Variants in KCNAB2 observed in about 807,000 individuals in gnomAD.
KCNAB2 encodes the protein potassium voltage-gated channel subfamily A regulatory beta subunit 2.
A neutral mutation model predicts 63.6 loss-of-function variants in KCNAB2; 29 were observed. The observed-to-expected ratio is 0.46, with a 90% confidence interval of 0.34 to 0.62. The LOEUF (loss-of-function observed/expected upper bound fraction) is 0.62. KCNAB2 is among the 20% of genes least tolerant of loss of function. The pLI is 0.01. For missense variants in KCNAB2, 359 were observed against 563.9 expected (o/e 0.64, Z 3.68); for synonymous variants, 222 against 224.2 (o/e 0.99, Z 0.09).
chr1:6,093,606 C>G (rs1665372564), intron 10 of KCNAB2, among the ~76,000 whole-genome samples: 1 of 152,184 alleles, frequency 6.6e-6, no homozygotes, highest in African/African-American at 2.4e-5. Context: ...TCAGGTTGTT[C>G]CCAGGGCTCA....
At chr1:6,017,801 A>C (rs1042622558) in intron 1 of KCNAB2, among the ~76,000 whole-genome samples, 3 of 151,946 alleles carry the variant, frequency 2.0e-5, no homozygotes, top group African/African-American at 7.3e-5. Flanking sequence ...AAAAAAAAAA[A>C]AACTTGGCCT....
intron 1 of KCNAB2, among the ~76,000 whole-genome samples, chr1:6,021,481 T>G (rs1443751737): frequency 1.3e-5 from 2 of 152,258 alleles, no homozygotes; most frequent in Non-Finnish European, 2.9e-5. Flanking sequence ...TACAGTTTAG[T>G]GGTATTAAGT....
intron 15 of KCNAB2, chr1:6,097,635 T>A (rs766150436): frequency 2.9e-5 from 17 of 595,792 alleles, no homozygotes; most frequent in Non-Finnish European, 4.4e-5. Context: ...CCAGGGACGG[T>A]GGCGCTGCAG....
intron 8 of KCNAB2, among the ~76,000 whole-genome samples, chr1:6,089,860 G>T (rs924492167): frequency 6.6e-6 from 1 of 152,158 alleles, no homozygotes; most frequent in Admixed American, 6.5e-5. Context: ...ACCACATCTG[G>T]TTAATTTTTT....
At chr1:6,036,151 T>TG (rs1448590363) in intron 1 of KCNAB2, 1 of 152,244 alleles carries the variant, frequency 6.6e-6, no homozygotes, top group African/African-American at 2.4e-5. Flanking sequence ...GAAAACTTTT[T>TG]GAGGAATTTT....
At position 6,099,916 on chromosome 1, in the gene KCNAB2, G is replaced by A. The variant is rs1244429852; in HGVS notation, c.*1342G>A. On this transcript the variant is annotated 3_prime_UTR_variant, in exon 16 of 16. Transcript: ENST00000378083. Reference sequence around the variant, plus strand: ...ATGCCAGTAAGTCTGCAGGTGCGGGGTGCCACCTACAGGCCCAGGCCTGTG... The same window carrying A: ...ATGCCAGTAAGTCTGCAGGTGCGGGATGCCACCTACAGGCCCAGGCCTGTG... 2 of 1,550,388 alleles carry A rather than the reference G, an allele frequency of 1.3e-6. No homozygotes were observed. The highest frequency in any genetic ancestry group is 2.4e-5 in the South Asian group (2 of 84,060).
chr1:5,999,696 A>C (rs1657127493), intron 1 of KCNAB2, among the ~76,000 whole-genome samples: 1 of 152,032 alleles, frequency 6.6e-6, no homozygotes, highest in Non-Finnish European at 1.5e-5. Flanking sequence ...GTGCTTGCCC[A>C]CGGCAGAGGA....
At chr1:5,996,727 C>T (rs940347986) in intron 1 of KCNAB2, among the ~76,000 whole-genome samples, 1 of 152,228 alleles carries the variant, frequency 6.6e-6, no homozygotes, top group Non-Finnish European at 1.5e-5. Flanking sequence ...CCTTCCTGGC[C>T]GTCCGCCTTT....
intron 1 of KCNAB2, among the ~76,000 whole-genome samples, chr1:5,999,352 G>C (rs1303697793): frequency 6.6e-6 from 1 of 152,142 alleles, no homozygotes; most frequent in Non-Finnish European, 1.5e-5. Flanking sequence ...CCAGTCCCTG[G>C]TGACTCAGAT....
At position 6,099,890 on chromosome 1, in the gene KCNAB2, G is replaced by A. The variant is rs74927442; in HGVS notation, c.*1316G>A. The A allele has an allele frequency of 1.7e-3, 2,582 of 1,550,344 alleles. 41 individuals are homozygous for A. The African/African-American group carries it at 0.03, about 18-fold the overall frequency. ...GTGCAGCTTGGGCCGGAGGGCAAGG[G>A]ATGCCAGTAAGTCTGCAGGTGCGGG... On this transcript the variant is annotated 3_prime_UTR_variant, in exon 16 of 16. Transcript: ENST00000378083.
upstream of KCNAB2, among the ~76,000 whole-genome samples, chr1:6,032,759 G>A (rs562428631): frequency 6.6e-6 from 1 of 152,296 alleles, no homozygotes; most frequent in East Asian, 1.9e-4. Context: ...CCCCTGCCTG[G>A]ACGCATGAAA....
upstream of KCNAB2, chr1:6,041,293 G>A: frequency 6.0e-6 from 1 of 166,382 alleles, no homozygotes; most frequent in Admixed American, 5.9e-5. Flanking sequence ...GGCACAGGCA[G>A]TACCCCAGCA....
At chr1:6,082,914 G>GCAGGC (rs1664332799) in intron 5 of KCNAB2, among the ~76,000 whole-genome samples, 1 of 152,220 alleles carries the variant, frequency 6.6e-6, no homozygotes, top group South Asian at 2.1e-4. Flanking sequence ...CGGGCAGGCT[G>GCAGGC]CAGGCCTGGG....
At chr1:6,047,641 T>A (rs1474994822) in intron 1 of KCNAB2, among the ~76,000 whole-genome samples, 3 of 152,148 alleles carry the variant, frequency 2.0e-5, no homozygotes, top group Non-Finnish European at 4.4e-5. Context: ...CTGGTTGGCC[T>A]TTTGGAGCCT....
chr1:6,095,066 G>C (rs1347753756), intron 11 of KCNAB2, among the ~76,000 whole-genome samples: 1 of 152,240 alleles, frequency 6.6e-6, no homozygotes, highest in Non-Finnish European at 1.5e-5. Context: ...TAACATCCAG[G>C]CTGTGTGGTT....
In KCNAB2 at chr1:6,074,564, G is replaced by A. The variant is rs893077294; in HGVS notation, c.300+794G>A. Reference sequence around the variant, plus strand: ...TTTAAAAATTGATCAGCGAATTGATGTGAGACCTTGTTAGCTGCGATTGCT... The same window carrying A: ...TTTAAAAATTGATCAGCGAATTGATATGAGACCTTGTTAGCTGCGATTGCT... On this transcript the variant is annotated intron_variant, in intron 4 of 15. Coordinates refer to ENST00000378083, the MANE Select transcript of KCNAB2 (RefSeq NM_001199862.2). This position sits in a 1 kb window ranked among gnomAD's most constrained non-coding sequence, Gnocchi z 4.9. Among the ~76,000 whole-genome samples the A allele has an allele frequency of 1.3e-5, 2 of 152,252 alleles. No individual in the cohort carries two copies. The highest frequency in any genetic ancestry group is 2.9e-5 in the Non-Finnish European group (2 of 68,046).
At chr1:6,094,125 A>C (rs750643942) in intron 10 of KCNAB2, among the ~76,000 whole-genome samples, 9 of 152,162 alleles carry the variant, frequency 5.9e-5, no homozygotes, top group Non-Finnish European at 1.0e-4. Context: ...ATCACGGTCC[A>C]TCCATAACCC....
At chr1:6,055,039 G>GCC (rs1406049716) in intron 2 of KCNAB2, among the ~76,000 whole-genome samples, 1 of 152,168 alleles carries the variant, frequency 6.6e-6, no homozygotes, top group African/African-American at 2.4e-5. Context: ...CCCAACAGGA[G>GCC]CCACGAGATG....
rs376254620 is a variant in KCNAB2 at position 6,006,038 on chromosome 1, A to G, written c.-53+13250A>G. 0.036 allele frequency among the ~76,000 whole-genome samples: 16 copies of G among 446 alleles called. 3 individuals carry two copies. In the East Asian group the frequency reaches 0.39, roughly 11 times the overall value. The allele number at this position is 446 out of a possible 152,430, so 0.3% of individuals were successfully genotyped here. A position where few individuals can be genotyped will look rare whatever the true frequency, so the allele number is the denominator to read the frequency against. ...CCTCACCCCTCAGCTCAGCTCCCAC[A>G]TCCCCCCACTCCACCCTCACCCCTC... On this transcript the variant is annotated intron_variant, in intron 1 of 16. Transcript: ENST00000341524.
Sources: allele counts gnomAD v4.1 joint callset (sites outside exome capture counted in the v4.1 genomes callset), GRCh38; gene constraint gnomAD v4.1.1; non-coding constraint Gnocchi (gnomAD v3.1); transcripts MANE v1.5; gene names NCBI Gene and HGNC (gene_info 2026-07-23, HGNC 2026-07-21).